FBXO4: variants seen among roughly 807,000 people sequenced by gnomAD.
FBXO4 encodes F-box only protein 4.
A neutral mutation model predicts 43.7 loss-of-function variants in FBXO4; 36 were observed. The ratio of observed to expected loss-of-function variants is 0.82; its 90% CI spans 0.63 to 1.09. The LOEUF (loss-of-function observed/expected upper bound fraction) is 1.09, where lower values mean the gene tolerates loss of function less well. FBXO4 is among the 50% of genes least tolerant of loss of function. The pLI is 0.00. For synonymous variants in FBXO4, 180 were observed against 165.6 expected (o/e 1.09, Z -0.67); for missense variants, 435 against 474.1 (o/e 0.92, Z 0.77).
chr5:41,952,239 C>T, the FBXO4 span: 2 of 154,482 alleles, frequency 1.3e-5, no homozygotes, highest in African/African-American at 4.8e-5. Flanking sequence ...AGAACAACTC[C>T]ATATGGATCT....
chr5:42,024,848 A>T, the FBXO4 span, among the ~76,000 whole-genome samples: 1 of 152,034 alleles, frequency 6.6e-6, no homozygotes. Flanking sequence ...AATGACCTCC[A>T]GTTCCATCCA....
At chr5:41,974,505 G>A in the FBXO4 span, among the ~76,000 whole-genome samples, 11 of 151,974 alleles carry the variant, frequency 7.2e-5, no homozygotes, top group East Asian at 5.8e-4. Flanking sequence ...CTATTTTTAA[G>A]TTTACTAATT....
At chr5:41,947,481 T>C in the FBXO4 span, among the ~76,000 whole-genome samples, 2 of 152,340 alleles carry the variant, frequency 1.3e-5, no homozygotes, top group South Asian at 4.1e-4. Context: ...TCAACTAATA[T>C]TCAGGACTCC....
At chr5:41,971,018 C>T in the FBXO4 span, among the ~76,000 whole-genome samples, 2 of 151,900 alleles carry the variant, frequency 1.3e-5, no homozygotes, top group African/African-American at 2.4e-5. Flanking sequence ...TTGGATCCTA[C>T]ATTTGATATT....
chr5:41,982,877 C>T, the FBXO4 span, among the ~76,000 whole-genome samples: 303 of 152,172 alleles, frequency 2.0e-3, 1 homozygote, highest in Non-Finnish European at 3.5e-3. Flanking sequence ...AGTCCCCCAC[C>T]CCCTCAACAA....
chr5:41,962,633 C>T, the FBXO4 span, among the ~76,000 whole-genome samples: 4 of 152,306 alleles, frequency 2.6e-5, no homozygotes, highest in East Asian at 5.8e-4. Context: ...CGGCAAGTCT[C>T]TTCCAGTATT....
At chr5:41,964,159 T>C in the FBXO4 span, among the ~76,000 whole-genome samples, 1 of 152,218 alleles carries the variant, frequency 6.6e-6, no homozygotes, top group South Asian at 2.1e-4. Flanking sequence ...TTTTCATTGC[T>C]CATGTATCCA....
At chr5:41,974,882 G>T in the FBXO4 span, among the ~76,000 whole-genome samples, 2 of 152,102 alleles carry the variant, frequency 1.3e-5, no homozygotes, top group African/African-American at 2.4e-5. Flanking sequence ...GGAAATAATG[G>T]TTTTTATTTC....
the FBXO4 span, chr5:41,951,690 T>C: frequency 1.4e-5 from 3 of 214,206 alleles, no homozygotes; most frequent in Non-Finnish European, 2.8e-5. Context: ...TCAGGCCCAC[T>C]GAGTGAGCTG....
chr5:42,011,029 C>A, the FBXO4 span, among the ~76,000 whole-genome samples: 1 of 152,106 alleles, frequency 6.6e-6, no homozygotes, highest in Non-Finnish European at 1.5e-5. Context: ...CTCCCCTAGC[C>A]CCCAACCCAG....
the FBXO4 span, among the ~76,000 whole-genome samples, chr5:42,034,117 A>G: frequency 6.6e-6 from 1 of 150,962 alleles, no homozygotes; most frequent in Non-Finnish European, 1.5e-5. Flanking sequence ...ATGATCAGTG[A>G]TGTTAAGCTT....
the FBXO4 span, among the ~76,000 whole-genome samples, chr5:42,026,121 G>C: frequency 1.3e-5 from 2 of 151,778 alleles, no homozygotes; most frequent in Non-Finnish European, 2.9e-5. Flanking sequence ...TCTGTAGATT[G>C]CTTTGGGTTT....
intron 5 of FBXO4, chr5:41,935,033 ATTAC>A (rs1751813655): frequency 2.0e-6 from 2 of 985,212 alleles, no homozygotes; most frequent in East Asian, 1.1e-4. Flanking sequence ...AGCAGTTGCA[ATTAC>A]TTTCTGTTAT....
chr5:41,965,202 A>G, the FBXO4 span, among the ~76,000 whole-genome samples: 1 of 152,080 alleles, frequency 6.6e-6, no homozygotes, highest in Non-Finnish European at 1.5e-5. Context: ...GTAGACATGC[A>G]GCATTATTTC....
the FBXO4 span, among the ~76,000 whole-genome samples, chr5:41,992,139 C>T: frequency 6.6e-6 from 1 of 152,072 alleles, no homozygotes; most frequent in Non-Finnish European, 1.5e-5. Flanking sequence ...AACATCTGTC[C>T]TCCTATATAA....
At chr5:41,986,118 G>T in the FBXO4 span, among the ~76,000 whole-genome samples, 136 of 152,232 alleles carry the variant, frequency 8.9e-4, no homozygotes, top group African/African-American at 3.2e-3. Flanking sequence ...AATAAATTTA[G>T]AAAGTATTGC....
chr5:41,940,894 T>A (rs894716932), intron 6 of FBXO4, among the ~76,000 whole-genome samples: 24 of 152,176 alleles, frequency 1.6e-4, no homozygotes, highest in African/African-American at 5.8e-4. Flanking sequence ...TCAAAGTGGA[T>A]CCTTTGGAGG....
intron 5 of FBXO4, chr5:41,934,885 T>G: frequency 1.0e-6 from 1 of 985,656 alleles, no homozygotes. Context: ...TGAGCTAGTA[T>G]TATAATATCT....
the FBXO4 span, among the ~76,000 whole-genome samples, chr5:41,948,686 T>C: frequency 2.6e-5 from 4 of 152,208 alleles, no homozygotes; most frequent in South Asian, 8.3e-4. Context: ...AAGATAGTCT[T>C]TCATATATAC....
Sources: gnomAD v4.1 joint callset for allele counts (sites outside exome capture counted in the v4.1 genomes callset) on GRCh38, gnomAD v4.1.1 for gene constraint, MANE v1.5 for transcripts, NCBI Gene and HGNC (gene_info 2026-07-23, HGNC 2026-07-21) for gene names.